WWOX: variants seen among roughly 807,000 people sequenced by gnomAD.
WWOX encodes the protein WW domain-containing oxidoreductase.
A neutral mutation model predicts 46.2 loss-of-function variants in WWOX; 69 were observed. That is an observed-to-expected ratio of 1.49 (90% confidence interval 1.23 to 1.82). The LOEUF (loss-of-function observed/expected upper bound fraction) is 1.82, where lower values mean the gene tolerates loss of function less well. Ranked by LOEUF, WWOX falls within the 40% of genes most tolerant of loss-of-function variation. The pLI is 0.00. For synonymous variants in WWOX, 359 were observed against 202.6 expected (o/e 1.77, Z -6.56); for missense variants, 919 against 542.6 (o/e 1.69, Z -6.89).
At chr16:79,066,292 C>T (rs764069215) in intron 8 of WWOX, among the ~76,000 whole-genome samples, 14 of 152,316 alleles carry the variant, frequency 9.2e-5, no homozygotes, top group Non-Finnish European at 1.6e-4. Context: ...TGCTTCCTCC[C>T]GCACACTGAG....
rs865823381 is a variant in WWOX at position 78,707,098 on chromosome 16, C to G, written c.1056+274346C>G. On this transcript the variant is annotated intron_variant, in intron 8 of 8. Coordinates refer to ENST00000566780, the MANE Select transcript of WWOX (RefSeq NM_016373.4). ...GACAAAGTGCTGGAATAATTGACATCCAGGTTATCACAGAGCCTTCCTATA... is the reference window on the plus strand; with the variant it reads ...GACAAAGTGCTGGAATAATTGACATGCAGGTTATCACAGAGCCTTCCTATA... 4.6e-5 allele frequency among the ~76,000 whole-genome samples: 7 copies of G among 152,282 alleles called. No homozygotes were observed. The East Asian group carries it at 1.2e-3, about 25-fold the overall frequency.
At chr16:78,584,645 T>C (rs1419588401) in intron 8 of WWOX, among the ~76,000 whole-genome samples, 1 of 152,208 alleles carries the variant, frequency 6.6e-6, no homozygotes, top group Non-Finnish European at 1.5e-5. Context: ...TTCTGTTCTA[T>C]GATACCACTT....
intron 8 of WWOX, among the ~76,000 whole-genome samples, chr16:78,605,644 C>T (rs1032726310): frequency 1.3e-5 from 2 of 152,164 alleles, no homozygotes; most frequent in Non-Finnish European, 1.5e-5. Flanking sequence ...TTTAGAAACT[C>T]AGCTATCCAG....
At chr16:78,819,047 G>A (rs1194878571) in intron 8 of WWOX, among the ~76,000 whole-genome samples, 5 of 152,152 alleles carry the variant, frequency 3.3e-5, no homozygotes. Context: ...AACGATAACG[G>A]CGAAGCACTT....
At position 78,650,892 on chromosome 16, in the gene WWOX, C is replaced by A. The variant is rs571909060; in HGVS notation, c.1056+218140C>A. ...TATTATTGCTTACTTGGCACATCTTCCATTGGAAATGGAATAGAGAAAAGG... is the reference window on the plus strand; with the variant it reads ...TATTATTGCTTACTTGGCACATCTTACATTGGAAATGGAATAGAGAAAAGG... On this transcript the variant is annotated intron_variant, in intron 8 of 8. Coordinates refer to ENST00000566780, the MANE Select transcript of WWOX (RefSeq NM_016373.4). 4.6e-5 allele frequency among the ~76,000 whole-genome samples: 7 copies of A among 152,284 alleles called. No individual in the cohort carries two copies. In the South Asian group the frequency reaches 1.0e-3, roughly 23 times the overall value.
intron 8 of WWOX, among the ~76,000 whole-genome samples, chr16:78,694,430 G>A (rs1305472148): frequency 6.6e-6 from 1 of 152,098 alleles, no homozygotes; most frequent in Non-Finnish European, 1.5e-5. Flanking sequence ...CATTGTCAAG[G>A]CAGAAGCAGC....
intron 8 of WWOX, among the ~76,000 whole-genome samples, chr16:78,501,628 C>T (rs1390255227): frequency 6.6e-6 from 1 of 151,946 alleles, no homozygotes; most frequent in Non-Finnish European, 1.5e-5. Flanking sequence ...CCTCTGTCTC[C>T]TGGCTTCACG....
intron 8 of WWOX, among the ~76,000 whole-genome samples, chr16:78,746,136 T>G (rs1170786653): frequency 6.6e-6 from 1 of 152,126 alleles, no homozygotes; most frequent in Non-Finnish European, 1.5e-5. Flanking sequence ...CGTTTTGATA[T>G]GATGAACCAT....
At chr16:79,168,341 GA>G (rs2050634870) in intron 8 of WWOX, among the ~76,000 whole-genome samples, 1 of 152,112 alleles carries the variant, frequency 6.6e-6, no homozygotes, top group South Asian at 2.1e-4. Context: ...CCATTTTACA[GA>G]AAATCTCTGC....
intron 8 of WWOX, among the ~76,000 whole-genome samples, chr16:78,523,570 G>A (rs372327213): frequency 1.0e-3 from 159 of 152,336 alleles, no homozygotes; most frequent in African/African-American, 3.7e-3. Flanking sequence ...CCAGTGGACA[G>A]TCTGATGGAG....
chr16:79,166,477 C>T (rs757055758), intron 8 of WWOX, among the ~76,000 whole-genome samples: 14 of 152,168 alleles, frequency 9.2e-5, no homozygotes, highest in Non-Finnish European at 1.9e-4. Context: ...ATAGACCATC[C>T]TATTTTTCAA....
chr16:78,906,487 C>G (rs1333843050), intron 8 of WWOX, among the ~76,000 whole-genome samples: 1 of 152,120 alleles, frequency 6.6e-6, no homozygotes, highest in Admixed American at 6.5e-5. Flanking sequence ...TGTCTTTGTC[C>G]CCATCTCTTC....
chr16:78,467,511 C>G (rs1374833305), intron 8 of WWOX, among the ~76,000 whole-genome samples: 2 of 152,076 alleles, frequency 1.3e-5, no homozygotes. Context: ...TGTTTATTGA[C>G]TTCAAAAAAG....
chr16:78,919,277 A>T (rs1020705094), intron 8 of WWOX, among the ~76,000 whole-genome samples: 3 of 152,028 alleles, frequency 2.0e-5, no homozygotes, highest in African/African-American at 7.3e-5. Flanking sequence ...CCACTTTTAT[A>T]GATGGCTAAG....
intron 5 of WWOX, among the ~76,000 whole-genome samples, chr16:78,334,435 T>C (rs984485117): frequency 1.3e-5 from 2 of 152,188 alleles, no homozygotes; most frequent in Non-Finnish European, 2.9e-5. Flanking sequence ...CTCTGAGCTA[T>C]GAGTGAACCA....
At chr16:78,557,022 A>T (rs1052861356) in intron 8 of WWOX, among the ~76,000 whole-genome samples, 2 of 152,106 alleles carry the variant, frequency 1.3e-5, no homozygotes, top group Admixed American at 1.3e-4. Flanking sequence ...CCAGCCGGCA[A>T]ACTTACTTTA....
chr16:78,828,459 C>T (rs2051722939), intron 8 of WWOX, among the ~76,000 whole-genome samples: 1 of 152,098 alleles, frequency 6.6e-6, no homozygotes, highest in Non-Finnish European at 1.5e-5. Context: ...TCCCTGCCAT[C>T]TGCCTGTGGG....
intron 8 of WWOX, among the ~76,000 whole-genome samples, chr16:78,516,417 C>A (rs1597198742): frequency 1.3e-5 from 2 of 152,176 alleles, no homozygotes; most frequent in South Asian, 4.1e-4. Flanking sequence ...TACAGATATT[C>A]TGTTATTTAT....
intron 5 of WWOX, among the ~76,000 whole-genome samples, chr16:78,378,712 G>A (rs994936494): frequency 6.6e-6 from 1 of 152,158 alleles, no homozygotes; most frequent in African/African-American, 2.4e-5. Flanking sequence ...AAGGGTGAGA[G>A]ACATCAGCAT....
Sources: allele counts gnomAD v4.1 joint callset (sites outside exome capture counted in the v4.1 genomes callset), GRCh38; gene constraint gnomAD v4.1.1; transcripts MANE v1.5; gene names NCBI Gene and HGNC (gene_info 2026-07-23, HGNC 2026-07-21).